The following NAV2 variants were observed in gnomAD, a reference collection of about 807,000 sequenced individuals.
The protein encoded by NAV2 is helicase, APC down-regulated 1.
NAV2 carries 54 observed loss-of-function variants against 223.2 expected under a neutral mutation model. That is an observed-to-expected ratio of 0.24 (90% CI 0.19 to 0.30). NAV2 has a LOEUF of 0.30. NAV2 is among the 10% of genes least tolerant of loss of function. The probability of loss-of-function intolerance (pLI) is 1.00; values close to 1 mark genes in which losing one functional copy is unlikely to be tolerated. For synonymous variants in NAV2, 1,279 were observed against 1,239.3 expected, an observed-to-expected ratio of 1.03 and a Z score of -0.67; for missense variants, 2,806 against 3,147.5, an observed-to-expected ratio of 0.89 and a Z score of 2.60.
At chr11:19,455,150 T>C (rs766164288) in intron 1 of NAV2, among the ~76,000 whole-genome samples, 24 of 152,186 alleles carry the variant, frequency 1.6e-4, no homozygotes, top group Admixed American at 1.4e-3. Flanking sequence ...TAGGTCTTGG[T>C]AGGGCCAGGT....
At chr11:19,944,694 T>TTCC (rs2046717390) in intron 8 of NAV2, among the ~76,000 whole-genome samples, 6 of 149,992 alleles carry the variant, frequency 4.0e-5, no homozygotes, top group African/African-American at 1.5e-4. Flanking sequence ...CTTTTCTTTC[T>TTCC]TTCTTCCTTC....
chr11:19,839,528 G>A (rs1156700411), intron 2 of NAV2, among the ~76,000 whole-genome samples: 1 of 152,190 alleles, frequency 6.6e-6, no homozygotes, highest in East Asian at 1.9e-4. Flanking sequence ...CAGACAACAT[G>A]TAGGACTATC....
chr11:19,534,279 G>A (rs2134455633), intron 1 of NAV2, among the ~76,000 whole-genome samples: 2 of 152,274 alleles, frequency 1.3e-5, no homozygotes, highest in East Asian at 3.9e-4. Context: ...ATCTCAGAGG[G>A]CACGGACCTG....
chr11:19,860,476 A>C (rs1406275480), intron 3 of NAV2, among the ~76,000 whole-genome samples: 1 of 150,108 alleles, frequency 6.7e-6, no homozygotes, highest in Non-Finnish European at 1.5e-5. Flanking sequence ...ATGGGATGGC[A>C]GCCTGGAAGA....
At chr11:19,915,066 G>A (rs996421078) in intron 6 of NAV2, among the ~76,000 whole-genome samples, 1 of 151,870 alleles carries the variant, frequency 6.6e-6, no homozygotes, top group Non-Finnish European at 1.5e-5. Flanking sequence ...TAAGAGCTTT[G>A]TCTTCCACAG....
At chr11:19,973,680 C>G (rs2049451252) in intron 10 of NAV2, among the ~76,000 whole-genome samples, 1 of 152,190 alleles carries the variant, frequency 6.6e-6, no homozygotes, top group Non-Finnish European at 1.5e-5. Flanking sequence ...AGCAAACAGA[C>G]AAGTCTTGCA....
chr11:19,989,853 C>CA (rs926320190), intron 11 of NAV2, among the ~76,000 whole-genome samples: 2 of 152,110 alleles, frequency 1.3e-5, no homozygotes, highest in Non-Finnish European at 2.9e-5. Context: ...GATCACCCCC[C>CA]AAATCCTCCG....
chr11:19,550,742 G>T (rs890311544), intron 1 of NAV2, among the ~76,000 whole-genome samples: 5 of 152,206 alleles, frequency 3.3e-5, no homozygotes, highest in African/African-American at 1.2e-4. Context: ...CTGAGATGGG[G>T]CTCGGACACT....
At chr11:20,047,540 T>G (rs924971336) in intron 14 of NAV2, among the ~76,000 whole-genome samples, 2 of 152,190 alleles carry the variant, frequency 1.3e-5, no homozygotes, top group African/African-American at 4.8e-5. Flanking sequence ...TCCTAATAAT[T>G]GGAAGTGCTT....
intron 11 of NAV2, among the ~76,000 whole-genome samples, chr11:20,002,550 A>T (rs1046755120): frequency 4.6e-5 from 7 of 152,000 alleles, no homozygotes; most frequent in Non-Finnish European, 8.8e-5. Context: ...AACAGGTGGG[A>T]GTTATAGGTG....
At chr11:19,956,888 A>G (rs948681043) in intron 10 of NAV2, among the ~76,000 whole-genome samples, 3 of 152,128 alleles carry the variant, frequency 2.0e-5, no homozygotes, top group Non-Finnish European at 4.4e-5. Context: ...CTCTAATCCC[A>G]TGGTTGGTTT....
chr11:19,453,658 C>A (rs1017424914), intron 1 of NAV2, among the ~76,000 whole-genome samples: 1 of 152,228 alleles, frequency 6.6e-6, no homozygotes, highest in South Asian at 2.1e-4. Context: ...AGCAGTCTAA[C>A]CTGGCCTTGG....
intron 1 of NAV2, among the ~76,000 whole-genome samples, chr11:19,705,088 G>GAAAT (rs10646001): frequency 0.068 from 10,043 of 147,792 alleles, 607 homozygotes; most frequent in African/African-American, 0.16. Context: ...TCAATTCGTA[G>GAAAT]AAATAAATAA....
chr11:19,655,435 A>C (rs2048091594), intron 1 of NAV2, among the ~76,000 whole-genome samples: 1 of 152,168 alleles, frequency 6.6e-6, no homozygotes, highest in Admixed American at 6.5e-5. Flanking sequence ...ATAAAGATAC[A>C]TGCAGACGTA....
At chr11:19,819,971 G>A (rs1299351699) in intron 1 of NAV2, among the ~76,000 whole-genome samples, 1 of 152,236 alleles carries the variant, frequency 6.6e-6, no homozygotes, top group Non-Finnish European at 1.5e-5. Context: ...GGCTGGGCAT[G>A]ATAAGGCCAG....
At chr11:19,898,832 C>CA (rs374141789) in intron 6 of NAV2, among the ~76,000 whole-genome samples, 36 of 152,188 alleles carry the variant, frequency 2.4e-4, no homozygotes, top group African/African-American at 8.4e-4. Context: ...CTGTCTTCGG[C>CA]AAAAAATACT....
rs527551063 is a variant in NAV2, at chr11:19,418,369, G to A, written c.75+67342G>A. Reference sequence around the variant, plus strand: ...TGAGAGAAGAATTACTAAATGGGATGAGCATTTCCAGAGGGGAACATGCAG... The same window carrying A: ...TGAGAGAAGAATTACTAAATGGGATAAGCATTTCCAGAGGGGAACATGCAG... On this transcript the variant is annotated intron_variant, in intron 1 of 37. Transcript: ENST00000360655. Among the ~76,000 whole-genome samples, 9 of 152,328 alleles carry A rather than the reference G, an allele frequency of 5.9e-5. No individual in the cohort carries two copies. In the East Asian group the frequency reaches 1.5e-3, roughly 26 times the overall value.
chr11:19,800,994 G>A (rs2058218005), intron 1 of NAV2, among the ~76,000 whole-genome samples: 1 of 152,110 alleles, frequency 6.6e-6, no homozygotes, highest in African/African-American at 2.4e-5. Flanking sequence ...GAGGTTGTTA[G>A]GACTGAACAT....
At chr11:20,040,838 G>A (rs913364593) in intron 12 of NAV2, among the ~76,000 whole-genome samples, 1 of 152,204 alleles carries the variant, frequency 6.6e-6, no homozygotes, top group Non-Finnish European at 1.5e-5. Context: ...GCGAGCTCCA[G>A]GAACAGAGAG....
Sources: gnomAD v4.1 joint callset for allele counts (sites outside exome capture counted in the v4.1 genomes callset) on GRCh38, gnomAD v4.1.1 for gene constraint, MANE v1.5 for transcripts, NCBI Gene and HGNC (gene_info 2026-07-23, HGNC 2026-07-21) for gene names.